Variants in TUBGCP3 observed in about 807,000 individuals in gnomAD.
TUBGCP3 encodes tubulin gamma complex component 3.
Under a neutral mutation model 123.1 loss-of-function variants are expected in TUBGCP3, and 50 were observed. The ratio of observed to expected loss-of-function variants is 0.41; its 90% CI spans 0.32 to 0.51. The LOEUF is 0.51. Among genes scored for constraint, TUBGCP3 ranks in the 20% least tolerant of loss-of-function variants. The pLI is 0.36. For missense variants in TUBGCP3, 882 were observed against 1,127.0 expected, an observed-to-expected ratio of 0.78 and a Z score of 3.11; for synonymous variants, 405 against 413.9, an observed-to-expected ratio of 0.98 and a Z score of 0.26.
intron 17 of TUBGCP3, among the ~76,000 whole-genome samples, chr13:112,510,452 G>C (rs1258360181): frequency 6.6e-6 from 1 of 152,158 alleles, no homozygotes; most frequent in South Asian, 2.1e-4. Context: ...GTACCCATCT[G>C]ATCTATTTTT....
intron 3 of TUBGCP3, among the ~76,000 whole-genome samples, chr13:112,562,260 G>A (rs112769931): frequency 0.16 from 23,449 of 150,846 alleles, 2,083 homozygotes; most frequent in Non-Finnish European, 0.21. Context: ...CCACCAGCCA[G>A]GACCTACTAG....
intron 11 of TUBGCP3, among the ~76,000 whole-genome samples, chr13:112,544,186 G>A (rs539550001): frequency 1.9e-4 from 29 of 152,104 alleles, no homozygotes; most frequent in African/African-American, 6.7e-4. Flanking sequence ...GGGCGCAGTG[G>A]CTCACGCCTG....
chr13:112,516,112 T>C (rs1038723998), intron 17 of TUBGCP3, among the ~76,000 whole-genome samples: 2 of 152,112 alleles, frequency 1.3e-5, no homozygotes. Context: ...TTTTAAATAA[T>C]ATATTCTCAT....
In TUBGCP3 at chr13:112,498,479, T is replaced by A. The variant is rs527689256; in HGVS notation, c.2448+566A>T. Among the ~76,000 whole-genome samples, 11 of 152,146 alleles carry A rather than the reference T, an allele frequency of 7.2e-5. No individual in the cohort carries two copies. In the East Asian group the frequency reaches 1.9e-3, roughly 27 times the overall value. On this transcript the variant is annotated intron_variant, in intron 20 of 21. Coordinates refer to ENST00000261965, the MANE Select transcript of TUBGCP3 (RefSeq NM_006322.6). Reference sequence around the variant, plus strand: ...AATAAGCCATCAGAAAGCAAAGGAGTCAGGTGTGGAATTTCCCACTTGTGA... The same window carrying A: ...AATAAGCCATCAGAAAGCAAAGGAGACAGGTGTGGAATTTCCCACTTGTGA...
In TUBGCP3 at chr13:112,535,870, A is replaced by AT. The variant is rs547990929; in HGVS notation, c.1336-8387dup. Among the ~76,000 whole-genome samples, 124 of 152,316 alleles carry AT rather than the reference A, an allele frequency of 8.1e-4. 3 individuals are homozygous for AT. The highest frequency in any genetic ancestry group is 3.0e-3 in the African/African-American group (123 of 41,556). Reference sequence around the variant, plus strand: ...TCCATGGTCCCAAAGATTTACCACTATATCTTCTTCTAAGTTTTATAACTT... The same window carrying AT: ...TCCATGGTCCCAAAGATTTACCACTATTATCTTCTTCTAAGTTTTATAACTT... On this transcript the variant is annotated intron_variant, in intron 11 of 21. Coordinates refer to ENST00000261965, the MANE Select transcript of TUBGCP3 (RefSeq NM_006322.6).
intron 5 of TUBGCP3, among the ~76,000 whole-genome samples, chr13:112,557,301 GT>G (rs919812077): frequency 2.6e-5 from 4 of 152,128 alleles, no homozygotes; most frequent in African/African-American, 7.2e-5. Context: ...AATGCTTTGC[GT>G]TTTCTTCATA....
chr13:112,574,297 C>T (rs892982840), intron 1 of TUBGCP3, among the ~76,000 whole-genome samples: 1 of 146,310 alleles, frequency 6.8e-6, no homozygotes, highest in Admixed American at 6.9e-5. Context: ...CACAGAGAAT[C>T]TTCAAGTGAG....
chr13:112,547,990 T>C, intron 9 of TUBGCP3, 118 bp downstream of exon 9: 1 of 905,988 alleles, frequency 1.1e-6, no homozygotes, highest in African/African-American at 1.7e-5. Context: ...AATAATATTA[T>C]GAAAAATATT....
chr13:112,495,144 A>G (rs1307657101), intron 20 of TUBGCP3, among the ~76,000 whole-genome samples: 1 of 152,346 alleles, frequency 6.6e-6, no homozygotes, highest in South Asian at 2.1e-4. Context: ...GCCCAGACCA[A>G]TGTCCTAGAG....
Position 112,547,690 on chromosome 13 carries a change from G to T in TUBGCP3, c.1098C>A (p.Arg366=). 1 of 1,579,604 alleles carries T rather than the reference G, an allele frequency of 6.3e-7. No homozygotes were observed. ...TGGGATCATAGGTCCAAACCAGGAG[G>T]CGCCGAAGTGTTAAACTACTCTCAA... is the stretch of plus-strand genomic sequence containing the variant. ...LGLESSLTLR[R]LLVWTYDPKI... is the part of the protein sequence containing the mutation. The change falls in exon 10 of 22, where the codon CGC becomes CGA. Residue 366 remains arginine, a synonymous_variant. Coordinates refer to ENST00000261965, the MANE Select transcript of TUBGCP3 (RefSeq NM_006322.6).
chr13:112,582,316 T>C lies in TUBGCP3; in HGVS notation c.76+5589A>G, dbSNP rs140699453. Among the ~76,000 whole-genome samples the C allele has an allele frequency of 5.7e-3, 870 of 152,268 alleles. 10 individuals are homozygous for C. The highest frequency in any genetic ancestry group is 0.02 in the African/African-American group (834 of 41,548). On this transcript the variant is annotated intron_variant, in intron 1 of 21. Coordinates refer to ENST00000261965, the MANE Select transcript of TUBGCP3 (RefSeq NM_006322.6). ...CCAAACACGTCAGGCCCTAACAATA[T>C]GATGTACAGTGGTTAATGAGACAGA...
At chr13:112,518,833 A>G in intron 16 of TUBGCP3, 142 bp downstream of exon 16, 1 of 672,378 alleles carries the variant, frequency 1.5e-6, no homozygotes. Context: ...ATTTTGGCTT[A>G]AGTATTCATT....
At chr13:112,601,851 A>T in the TUBGCP3 span, among the ~76,000 whole-genome samples, 1 of 152,218 alleles carries the variant, frequency 6.6e-6, no homozygotes, top group Non-Finnish European at 1.5e-5. Context: ...CAGGTGCCCC[A>T]GGGCCATGGC....
At chr13:112,515,222 C>T (rs909655646) in intron 17 of TUBGCP3, among the ~76,000 whole-genome samples, 1 of 152,128 alleles carries the variant, frequency 6.6e-6, no homozygotes, top group Non-Finnish European at 1.5e-5. Context: ...TATATCGCAA[C>T]CAGCCCATAT....
intron 1 of TUBGCP3, among the ~76,000 whole-genome samples, chr13:112,569,527 G>A (rs543957778): frequency 1.2e-4 from 19 of 152,210 alleles, no homozygotes; most frequent in East Asian, 9.6e-4. Context: ...CAGTAATCAC[G>A]AAAAGAAAAG....
Position 112,511,260 on chromosome 13 carries a change from C to T in TUBGCP3, c.2086+5180G>A, listed in dbSNP as rs1294676555. On this transcript the variant is annotated intron_variant, in intron 17 of 21. Coordinates refer to ENST00000261965, the MANE Select transcript of TUBGCP3 (RefSeq NM_006322.6). The surrounding 1 kb of genome is among the most constrained non-coding windows in gnomAD (Gnocchi z 4.1). ...TGGGCCCCTCACAGGGCACTGCTGG[C>T]CCGCGGGCACCTGCCTTTCCTGGTA... 6.6e-6 allele frequency among the ~76,000 whole-genome samples: 1 copy of T among 152,210 alleles called. No homozygotes were observed. Among genetic ancestry groups the T allele is most frequent in the East Asian group, 1.9e-4 (1 of 5,194 alleles).
intron 1 of TUBGCP3, among the ~76,000 whole-genome samples, chr13:112,580,140 A>G (rs184390962): frequency 6.6e-6 from 1 of 152,340 alleles, no homozygotes; most frequent in East Asian, 1.9e-4. Context: ...ATACACAGAC[A>G]CAGGATGGTG....
intron 1 of TUBGCP3, among the ~76,000 whole-genome samples, chr13:112,571,623 C>T (rs1881402103): frequency 6.6e-6 from 1 of 152,178 alleles, no homozygotes; most frequent in African/African-American, 2.4e-5. Context: ...CTTTGTAGCT[C>T]TGAAGGAAGG....
intron 10 of TUBGCP3, chr13:112,547,302 C>T (rs1879092174): frequency 1.0e-5 from 4 of 401,612 alleles, no homozygotes; most frequent in Admixed American, 4.4e-5. Context: ...TCCTCTTTCC[C>T]ACCTCCATCT....
Sources: gnomAD v4.1 joint callset for allele counts (sites outside exome capture counted in the v4.1 genomes callset) on GRCh38, gnomAD v4.1.1 for gene constraint, Gnocchi (gnomAD v3.1) non-coding constraint, MANE v1.5 for transcripts, NCBI Gene and HGNC (gene_info 2026-07-23, HGNC 2026-07-21) for gene names.